FHOD3: variants seen among roughly 807,000 people sequenced by gnomAD.
FHOD3 encodes FH1/FH2 domain-containing protein 3.
A neutral mutation model predicts 173.0 loss-of-function variants in FHOD3; 90 were observed. The ratio of observed to expected loss-of-function variants is 0.52; its 90% CI spans 0.44 to 0.62. The LOEUF is 0.62. FHOD3 is among the 20% of genes least tolerant of loss of function. The pLI, the probability that FHOD3 is intolerant of heterozygous loss-of-function variation, is 0.00. For missense variants in FHOD3, 1,945 were observed against 2,034.7 expected, an observed-to-expected ratio of 0.96 and a Z score of 0.85; for synonymous variants, 828 against 823.0, an observed-to-expected ratio of 1.01 and a Z score of -0.10.
At chr18:36,396,873 C>A (rs941195246) in intron 3 of FHOD3, among the ~76,000 whole-genome samples, 1 of 123,040 alleles carries the variant, frequency 8.1e-6, no homozygotes, top group Non-Finnish European at 1.7e-5. Flanking sequence ...AGGCTTGGTT[C>A]ACATTTTTTT....
intron 5 of FHOD3, among the ~76,000 whole-genome samples, chr18:36,552,715 G>T (rs1176007550): frequency 1.3e-5 from 2 of 151,958 alleles, no homozygotes; most frequent in Non-Finnish European, 1.5e-5. Context: ...AGCCAGGATG[G>T]TCTTGATCTC....
chr18:36,740,450 C>G (rs1383203125), intron 20 of FHOD3, among the ~76,000 whole-genome samples: 1 of 152,142 alleles, frequency 6.6e-6, no homozygotes. Context: ...TCTCATCTCC[C>G]TTTCTTGCCT....
At chr18:36,660,552 G>A (rs1283949344) in intron 14 of FHOD3, among the ~76,000 whole-genome samples, 3 of 152,238 alleles carry the variant, frequency 2.0e-5, no homozygotes, top group Non-Finnish European at 4.4e-5. Flanking sequence ...GTTTGGCAGA[G>A]TTGGCTGCCG....
chr18:36,382,866 C>T (rs2047861294), intron 3 of FHOD3, among the ~76,000 whole-genome samples: 2 of 152,324 alleles, frequency 1.3e-5, no homozygotes, highest in South Asian at 4.1e-4. Flanking sequence ...TGTTTCATTT[C>T]TAGCTTTGAT....
At chr18:36,323,709 T>C (rs2044519769) in intron 1 of FHOD3, among the ~76,000 whole-genome samples, 1 of 152,214 alleles carries the variant, frequency 6.6e-6, no homozygotes, top group South Asian at 2.1e-4. Context: ...GCCACACACC[T>C]AATCTCACCT....
chr18:36,352,525 C>G (rs1413630350), intron 1 of FHOD3, among the ~76,000 whole-genome samples: 1 of 152,190 alleles, frequency 6.6e-6, no homozygotes, highest in Non-Finnish European at 1.5e-5. Context: ...GAAACAGGCT[C>G]TGGTGGGAGT....
intron 3 of FHOD3, among the ~76,000 whole-genome samples, chr18:36,409,061 T>C (rs552254089): frequency 2.0e-5 from 3 of 152,278 alleles, no homozygotes; most frequent in Non-Finnish European, 4.4e-5. Context: ...GCCTTTGGAC[T>C]CTGGACCAGT....
chr18:36,505,388 C>G (rs139633778), intron 4 of FHOD3, among the ~76,000 whole-genome samples: 5 of 152,162 alleles, frequency 3.3e-5, no homozygotes, highest in African/African-American at 1.2e-4. Context: ...GATAAACTGT[C>G]GAAGTTCTGT....
At chr18:36,666,624 A>G (rs1361298745) in intron 14 of FHOD3, among the ~76,000 whole-genome samples, 1 of 152,258 alleles carries the variant, frequency 6.6e-6, no homozygotes, top group Non-Finnish European at 1.5e-5. Context: ...AATTTCAAGT[A>G]TCAGATATTT....
At chr18:36,762,695 C>T (rs1380297663) in intron 27 of FHOD3, among the ~76,000 whole-genome samples, 1 of 151,856 alleles carries the variant, frequency 6.6e-6, no homozygotes, top group African/African-American at 2.4e-5. Flanking sequence ...ACTGGGGAGG[C>T]TGAGGCAGGA....
At chr18:36,487,426 C>T (rs1449263751) in intron 3 of FHOD3, among the ~76,000 whole-genome samples, 1 of 152,146 alleles carries the variant, frequency 6.6e-6, no homozygotes, top group Non-Finnish European at 1.5e-5. Context: ...CTGTGGTCAC[C>T]CTGCTGGGCC....
At chr18:36,310,585 G>A (rs1032366476) in intron 1 of FHOD3, among the ~76,000 whole-genome samples, 10 of 151,732 alleles carry the variant, frequency 6.6e-5, no homozygotes, top group Non-Finnish European at 1.3e-4. Context: ...TACTCAGGAG[G>A]CTGAGGCAGG....
chr18:36,454,765 G>A (rs1490369558), intron 3 of FHOD3, among the ~76,000 whole-genome samples: 1 of 151,780 alleles, frequency 6.6e-6, no homozygotes. Context: ...ATTGATCCTG[G>A]CTCTTCGGCA....
At chr18:36,299,709 C>T (rs957470997) in intron 1 of FHOD3, among the ~76,000 whole-genome samples, 1 of 152,178 alleles carries the variant, frequency 6.6e-6, no homozygotes, top group Non-Finnish European at 1.5e-5. Context: ...CCCAGCAGAG[C>T]AGTTGCACTG....
At chr18:36,597,651 C>G (rs949421820) in intron 7 of FHOD3, among the ~76,000 whole-genome samples, 1 of 152,166 alleles carries the variant, frequency 6.6e-6, no homozygotes, top group Non-Finnish European at 1.5e-5. Flanking sequence ...TAGTCTCAAT[C>G]TCCTGACCTC....
chr18:36,351,277 T>C (rs1043842123), intron 1 of FHOD3, among the ~76,000 whole-genome samples: 1 of 152,152 alleles, frequency 6.6e-6, no homozygotes, highest in African/African-American at 2.4e-5. Flanking sequence ...CTAGCACAAA[T>C]GGGATGGGCC....
At chr18:36,746,412 C>T (rs2042159102) in intron 23 of FHOD3, among the ~76,000 whole-genome samples, 1 of 152,160 alleles carries the variant, frequency 6.6e-6, no homozygotes, top group Admixed American at 6.5e-5. Context: ...GCTAGTTTCT[C>T]CATGAGTGTT....
intron 23 of FHOD3, among the ~76,000 whole-genome samples, chr18:36,744,899 G>A (rs888435836): frequency 6.6e-6 from 1 of 152,202 alleles, no homozygotes; most frequent in African/African-American, 2.4e-5. Flanking sequence ...TAGGAGCACA[G>A]GAAACTCGCT....
chr18:36,350,900 A>G (rs944237010), intron 1 of FHOD3, among the ~76,000 whole-genome samples: 11 of 152,358 alleles, frequency 7.2e-5, no homozygotes, highest in African/African-American at 2.4e-4. Flanking sequence ...TAATTTGCTT[A>G]TTAAAATAAT....
Sources: gnomAD v4.1 joint callset for allele counts (sites outside exome capture counted in the v4.1 genomes callset) on GRCh38, gnomAD v4.1.1 for gene constraint, MANE v1.5 for transcripts, NCBI Gene and HGNC (gene_info 2026-07-23, HGNC 2026-07-21) for gene names.